DTNBP1: variants seen among roughly 807,000 people sequenced by gnomAD.
DTNBP1 encodes dysbindin.
Under a neutral mutation model 42.8 loss-of-function variants are expected in DTNBP1, and 35 were observed. The observed-to-expected ratio is 0.82, with a 90% CI of 0.63 to 1.09. DTNBP1 has a LOEUF of 1.09. DTNBP1 is among the 50% of genes least tolerant of loss of function. DTNBP1 has a pLI of 0.00. For synonymous variants in DTNBP1, 171 were observed against 162.2 expected (o/e 1.05, Z -0.41); for missense variants, 457 against 424.2 (o/e 1.08, Z -0.68).
chr6:15,566,247 G>A (rs932499582), intron 7 of DTNBP1, among the ~76,000 whole-genome samples: 1 of 149,922 alleles, frequency 6.7e-6, no homozygotes, highest in South Asian at 2.1e-4. Flanking sequence ...CCCGGGAGGC[G>A]GAGCTTGCAG....
chr6:15,539,491 C>T (rs1167845591), intron 7 of DTNBP1, among the ~76,000 whole-genome samples: 1 of 152,226 alleles, frequency 6.6e-6, no homozygotes, highest in African/African-American at 2.4e-5. Context: ...CATTGGGATG[C>T]ACAGAGGGTC....
intron 1 of DTNBP1, among the ~76,000 whole-genome samples, chr6:15,654,822 T>C (rs1017376511): frequency 1.3e-5 from 2 of 152,236 alleles, no homozygotes; most frequent in African/African-American, 2.4e-5. Context: ...ACAAACCAAC[T>C]GTAAAAAGTC....
rs564624440 is a variant in DTNBP1, at chr6:15,644,205, C to T, written c.162-6401G>A. Among the ~76,000 whole-genome samples the T allele has an allele frequency of 1.3e-3, 189 of 147,148 alleles. 2 individuals are homozygous for T. In the Middle Eastern group the frequency reaches 0.018, roughly 14 times the overall value. ...AAAAAAAAAAAGACAAAGAAGGGTA[C>T]AACATAATGATAAAGAGCTCAATTC... On this transcript the variant is annotated intron_variant, in intron 3 of 9. Transcript: ENST00000344537.
chr6:15,605,933 A>G (rs1232397429), intron 6 of DTNBP1, among the ~76,000 whole-genome samples: 1 of 152,238 alleles, frequency 6.6e-6, no homozygotes, highest in Non-Finnish European at 1.5e-5. Flanking sequence ...CTACAAAGGC[A>G]CTGGTAACAG....
At chr6:15,575,512 T>C (rs1775523362) in intron 7 of DTNBP1, among the ~76,000 whole-genome samples, 1 of 152,178 alleles carries the variant, frequency 6.6e-6, no homozygotes, top group Non-Finnish European at 1.5e-5. Context: ...AACAAATTAA[T>C]GGAATCAGCA....
intron 3 of DTNBP1, among the ~76,000 whole-genome samples, chr6:15,649,313 T>C (rs761234796): frequency 6.6e-6 from 1 of 152,134 alleles, no homozygotes. Flanking sequence ...ATACTTACAA[T>C]AGAATATTCA....
chr6:15,659,993 T>C (rs964601066), intron 1 of DTNBP1, among the ~76,000 whole-genome samples: 2 of 152,214 alleles, frequency 1.3e-5, no homozygotes, highest in African/African-American at 2.4e-5. Context: ...TTAACAGTCG[T>C]CTGTTTTAAA....
At chr6:15,585,066 T>C (rs1377047667) in intron 7 of DTNBP1, among the ~76,000 whole-genome samples, 1 of 814 alleles carries the variant, frequency 1.2e-3, no homozygotes, top group Non-Finnish European at 2.0e-3. Flanking sequence ...ATGAAAAGAA[T>C]ATATATATAT....
chr6:15,617,805 A>G (rs933674299), intron 5 of DTNBP1, among the ~76,000 whole-genome samples: 6 of 152,194 alleles, frequency 3.9e-5, no homozygotes, highest in Non-Finnish European at 8.8e-5. Context: ...ATTTCAGAAC[A>G]TTGGTTTGGA....
At chr6:15,615,696 T>C (rs1221289391) in intron 5 of DTNBP1, among the ~76,000 whole-genome samples, 1 of 152,232 alleles carries the variant, frequency 6.6e-6, no homozygotes, top group Non-Finnish European at 1.5e-5. Flanking sequence ...TGCTATATCC[T>C]AATGATCCCA....
intron 6 of DTNBP1, among the ~76,000 whole-genome samples, chr6:15,599,635 C>G (rs555366741): frequency 6.6e-6 from 1 of 152,222 alleles, no homozygotes; most frequent in East Asian, 1.9e-4. Flanking sequence ...TAAAAACTAA[C>G]GTTGAAAGCC....
intron 4 of DTNBP1, 97 bp from the exon 5 acceptor site, chr6:15,627,572 C>A: frequency 6.6e-7 from 1 of 1,523,796 alleles, no homozygotes; most frequent in East Asian, 2.3e-5. Flanking sequence ...TTTAACAACC[C>A]CTCTACTCAG....
At position 15,592,238 on chromosome 6, in the gene DTNBP1, G is replaced by T. The variant is rs904781062; in HGVS notation, c.511+821C>A. Among the ~76,000 whole-genome samples, 3 of 152,272 alleles carry T rather than the reference G, an allele frequency of 2.0e-5. No individual in the cohort carries two copies. The East Asian group carries it at 5.8e-4, about 29-fold the overall frequency. On this transcript the variant is annotated intron_variant, in intron 7 of 9. Coordinates refer to ENST00000344537, the MANE Select transcript of DTNBP1 (RefSeq NM_032122.5). ...TCGGTAAATCTAAAGGACAATGCTG[G>T]TTTATACGTGAAGTATAATAAGCAT...
In DTNBP1 at chr6:15,526,937, G is replaced by A. The variant is rs186928829; in HGVS notation, c.668-2268C>T. Among the ~76,000 whole-genome samples the A allele has an allele frequency of 1.5e-3, 223 of 152,304 alleles. 2 individuals carry two copies. Among genetic ancestry groups the A allele is most frequent in the Non-Finnish European group, 3.5e-4 (24 of 68,032 alleles). On this transcript the variant is annotated intron_variant, in intron 8 of 9. Coordinates refer to ENST00000344537, the MANE Select transcript of DTNBP1 (RefSeq NM_032122.5). ...CAGGAAATGTCAATGAGCCAAACTT[G>A]TCAGTTAAGAGATTATACAACTAAA...
In DTNBP1 at chr6:15,524,457, GTC is replaced by G. The variant is rs1561932063; in HGVS notation, c.811+67_811+68del. The G allele has an allele frequency of 1.9e-6, 3 of 1,614,004 alleles. No homozygotes were observed. In the African/African-American group the frequency reaches 4.0e-5, roughly 22 times the overall value. Reference sequence around the variant, plus strand: ...TAAGTGACTGGCAGATGGTTCTCACGTCTCACCTTTGGAGGGGAGTGGCATCG... The same window carrying G: ...TAAGTGACTGGCAGATGGTTCTCACGTCACCTTTGGAGGGGAGTGGCATCG... On this transcript the variant is annotated intron_variant, in intron 9 of 9. Transcript: ENST00000344537.
chr6:15,639,747 A>G (rs1006545318), intron 3 of DTNBP1, among the ~76,000 whole-genome samples: 2 of 152,262 alleles, frequency 1.3e-5, no homozygotes, highest in East Asian at 1.9e-4. Flanking sequence ...CCTGGTAGTT[A>G]GCACAGAACC....
chr6:15,626,613 C>A (rs1759363135), intron 5 of DTNBP1, among the ~76,000 whole-genome samples: 1 of 152,106 alleles, frequency 6.6e-6, no homozygotes, highest in Non-Finnish European at 1.5e-5. Context: ...GATGTGGCAT[C>A]ATCAAACATA....
chr6:15,564,531 C>T (rs1774983910), intron 7 of DTNBP1, among the ~76,000 whole-genome samples: 2 of 152,026 alleles, frequency 1.3e-5, no homozygotes, highest in Non-Finnish European at 2.9e-5. Context: ...CCTCAGCCTC[C>T]CAAGTAGCTG....
At chr6:15,657,407 G>C (rs951370101) in intron 1 of DTNBP1, among the ~76,000 whole-genome samples, 1 of 152,114 alleles carries the variant, frequency 6.6e-6, no homozygotes, top group South Asian at 2.1e-4. Flanking sequence ...TCCCACTGCT[G>C]TCTAATCTGA....
Sources: gnomAD v4.1 joint callset for allele counts (sites outside exome capture counted in the v4.1 genomes callset) on GRCh38, gnomAD v4.1.1 for gene constraint, MANE v1.5 for transcripts, NCBI Gene and HGNC (gene_info 2026-07-23, HGNC 2026-07-21) for gene names.